WWOX: variants seen among roughly 807,000 people sequenced by gnomAD.
WWOX encodes the protein WW domain containing oxidoreductase.
In WWOX, 69 loss-of-function variants were observed where a neutral mutation model predicts 46.2. That is an observed-to-expected ratio of 1.49 (90% CI 1.23 to 1.82). The LOEUF is 1.82. Ranked by LOEUF, WWOX falls within the 40% of genes most tolerant of loss-of-function variation. The pLI is 0.00. For synonymous variants in WWOX, 359 were observed against 202.6 expected (o/e 1.77, Z -6.56); for missense variants, 919 against 542.6 (o/e 1.69, Z -6.89).
At chr16:78,825,863 A>G (rs1466993797) in intron 8 of WWOX, 2 of 652,204 alleles carry the variant, frequency 3.1e-6, no homozygotes, top group Admixed American at 4.4e-5. Context: ...CCCCGCTGGT[A>G]AGACTGGCCC....
At chr16:78,281,875 C>T (rs1425817120) in intron 5 of WWOX, among the ~76,000 whole-genome samples, 20 of 152,196 alleles carry the variant, frequency 1.3e-4, no homozygotes, top group Admixed American at 1.3e-3. Flanking sequence ...TCGAGGTCCC[C>T]TCTTTATTTA....
At chr16:78,220,638 T>G (rs1013195704) in intron 5 of WWOX, among the ~76,000 whole-genome samples, 3 of 152,214 alleles carry the variant, frequency 2.0e-5, no homozygotes, top group African/African-American at 7.2e-5. Flanking sequence ...ATGCTTAATG[T>G]TGTCTTGTGT....
intron 5 of WWOX, among the ~76,000 whole-genome samples, chr16:78,262,788 C>T (rs903141268): frequency 1.3e-5 from 2 of 152,108 alleles, no homozygotes; most frequent in East Asian, 3.9e-4. Flanking sequence ...TAAATATAGG[C>T]CCATCTGGGC....
At chr16:78,976,826 CCTGGTTCAGTTGCAAA>C (rs2046582125) in intron 8 of WWOX, among the ~76,000 whole-genome samples, 2 of 152,124 alleles carry the variant, frequency 1.3e-5, no homozygotes, top group African/African-American at 4.8e-5. Context: ...GTCTTTAATG[CCTGGTTCAGTTGCAAA>C]CATGGAGGGC....
At chr16:79,046,225 T>C (rs2048063227) in intron 8 of WWOX, among the ~76,000 whole-genome samples, 1 of 152,242 alleles carries the variant, frequency 6.6e-6, no homozygotes, top group Non-Finnish European at 1.5e-5. Flanking sequence ...TCCAAGTGTT[T>C]AGTTCATTTT....
chr16:79,142,044 T>G (rs1199880122), intron 8 of WWOX, among the ~76,000 whole-genome samples: 2 of 152,048 alleles, frequency 1.3e-5, no homozygotes, highest in African/African-American at 4.8e-5. Flanking sequence ...AGTTAAGAGG[T>G]ATATATCTTA....
intron 8 of WWOX, among the ~76,000 whole-genome samples, chr16:79,155,846 G>A (rs893419390): frequency 6.6e-6 from 1 of 151,432 alleles, no homozygotes; most frequent in Non-Finnish European, 1.5e-5. Context: ...GGTTTATAGA[G>A]GACTAATACA....
chr16:78,764,387 C>T (rs11643551), intron 8 of WWOX, among the ~76,000 whole-genome samples: 81,725 of 150,148 alleles, frequency 0.54, 25,532 homozygotes, highest in Non-Finnish European at 0.7. Flanking sequence ...CCTCCAGGCC[C>T]ACTTGGAGGC....
intron 8 of WWOX, among the ~76,000 whole-genome samples, chr16:79,069,865 C>G (rs1175263994): frequency 6.6e-6 from 1 of 152,088 alleles, no homozygotes; most frequent in African/African-American, 2.4e-5. Flanking sequence ...AACTTTGGCC[C>G]AAATTGACTC....
rs576661965 is a variant in WWOX at position 78,399,012 on chromosome 16, C to T, written c.605+12064C>T. On this transcript the variant is annotated intron_variant, in intron 6 of 8. Transcript: ENST00000566780. ...TAAGTACAAGGAAGGGGATGAGTGGCTGGCTGGCTAGATGGATAGAAAGAT... is the reference window on the plus strand; with the variant it reads ...TAAGTACAAGGAAGGGGATGAGTGGTTGGCTGGCTAGATGGATAGAAAGAT... Among the ~76,000 whole-genome samples, 15 of 147,130 alleles carry T rather than the reference C, an allele frequency of 1.0e-4. No individual in the cohort carries two copies. In the South Asian group the frequency reaches 3.2e-3, roughly 31 times the overall value.
At chr16:78,283,096 G>A (rs148361491) in intron 5 of WWOX, among the ~76,000 whole-genome samples, 85 of 152,040 alleles carry the variant, frequency 5.6e-4, no homozygotes, top group Non-Finnish European at 9.3e-4. Context: ...CCTCTCAAGT[G>A]GGGCAGGAAG....
chr16:78,717,000 A>AG (rs2048579907), intron 8 of WWOX, among the ~76,000 whole-genome samples: 1 of 152,204 alleles, frequency 6.6e-6, no homozygotes, highest in Non-Finnish European at 1.5e-5. Context: ...TTAGGCTAAT[A>AG]ACACCTCCCA....
intron 8 of WWOX, among the ~76,000 whole-genome samples, chr16:78,640,167 G>A (rs1257254210): frequency 1.3e-5 from 2 of 149,488 alleles, no homozygotes; most frequent in Admixed American, 1.3e-4. Context: ...GTCTGGAGTT[G>A]CCAACGTCCT....
At chr16:78,811,697 T>G (rs1174959533) in intron 8 of WWOX, among the ~76,000 whole-genome samples, 2 of 152,030 alleles carry the variant, frequency 1.3e-5, no homozygotes, top group Non-Finnish European at 2.9e-5. Context: ...ATAAGGCTAC[T>G]AATCCCCTCA....
intron 8 of WWOX, among the ~76,000 whole-genome samples, chr16:78,867,424 A>G (rs960089670): frequency 3.3e-5 from 5 of 151,938 alleles, no homozygotes; most frequent in African/African-American, 1.2e-4. Context: ...CATAATCTAG[A>G]GCTATTATAG....
At chr16:79,010,761 C>G (rs1054971674) in intron 8 of WWOX, among the ~76,000 whole-genome samples, 1 of 146,116 alleles carries the variant, frequency 6.8e-6, no homozygotes, top group Admixed American at 6.9e-5. Flanking sequence ...GGACATGGAC[C>G]CGATGCTGCC....
intron 5 of WWOX, among the ~76,000 whole-genome samples, chr16:78,235,196 C>T (rs986320658): frequency 6.6e-6 from 1 of 152,098 alleles, no homozygotes; most frequent in African/African-American, 2.4e-5. Context: ...GGGGCCTTGC[C>T]ATGCTTCCTT....
chr16:78,914,899 AAAAAG>A (rs2045210699), intron 8 of WWOX, among the ~76,000 whole-genome samples: 1 of 151,496 alleles, frequency 6.6e-6, no homozygotes, highest in African/African-American at 2.4e-5. Context: ...AAAAAAAAAA[AAAAAG>A]GAACCAGATG....
At chr16:78,876,395 CAA>C (rs1335968791) in intron 8 of WWOX, among the ~76,000 whole-genome samples, 4 of 151,362 alleles carry the variant, frequency 2.6e-5, no homozygotes, top group Non-Finnish European at 5.9e-5. Flanking sequence ...ATGAATTTTC[CAA>C]GACTCTGTTA....
Sources: allele counts gnomAD v4.1 joint callset (sites outside exome capture counted in the v4.1 genomes callset), GRCh38; gene constraint gnomAD v4.1.1; transcripts MANE v1.5; gene names NCBI Gene and HGNC (gene_info 2026-07-23, HGNC 2026-07-21).